The following SPG11 variants were observed in gnomAD, a reference collection of about 807,000 sequenced individuals.
The protein encoded by SPG11 is spatacsin.
A neutral mutation model predicts 274.0 loss-of-function variants in SPG11; 222 were observed. The ratio of observed to expected loss-of-function variants is 0.81; its 90% CI spans 0.73 to 0.91. SPG11 has a LOEUF of 0.91. Ranked by LOEUF, SPG11 falls within the 40% of genes least tolerant of loss-of-function variation. SPG11 has a pLI of 0.00. For missense variants in SPG11, 3,114 were observed against 2,872.7 expected (o/e 1.08, Z -1.92); for synonymous variants, 1,144 against 1,039.7 (o/e 1.10, Z -1.93).
At chr15:44,570,320 C>T (rs749961318) in intron 34 of SPG11, among the ~76,000 whole-genome samples, 1 of 152,180 alleles carries the variant, frequency 6.6e-6, no homozygotes, top group Admixed American at 6.5e-5. Flanking sequence ...TTCTCCCTTT[C>T]GCTCCTTTGG....
chr15:44,582,234 C>G (rs1002930831), intron 30 of SPG11, among the ~76,000 whole-genome samples: 1 of 152,032 alleles, frequency 6.6e-6, no homozygotes, highest in African/African-American at 2.4e-5. Context: ...ACCAACATTA[C>G]CTTGATACAA....
intron 30 of SPG11, 67 bp downstream of exon 30, chr15:44,583,747 T>G: frequency 6.2e-7 from 1 of 1,608,658 alleles, no homozygotes; most frequent in East Asian, 2.2e-5. Flanking sequence ...CAAGGGTCCC[T>G]TCCTTCTTGG....
chr15:44,625,537 G>A (rs2083873263), intron 11 of SPG11, among the ~76,000 whole-genome samples: 1 of 152,136 alleles, frequency 6.6e-6, no homozygotes, highest in African/African-American at 2.4e-5. Context: ...TGTAAGACAG[G>A]CCTGCTTCCC....
At chr15:44,640,077 G>A (rs569503384) in intron 7 of SPG11, among the ~76,000 whole-genome samples, 1 of 152,240 alleles carries the variant, frequency 6.6e-6, no homozygotes, top group East Asian at 1.9e-4. Context: ...AGGCGTAGGG[G>A]CATGTGCCTG....
chr15:44,633,157 G>C (rs1477071527), intron 8 of SPG11, among the ~76,000 whole-genome samples: 1 of 151,320 alleles, frequency 6.6e-6, no homozygotes, highest in African/African-American at 2.4e-5. Flanking sequence ...TGGCAACACA[G>C]TGAGACCCCA....
chr15:44,635,194 C>A (rs2084202279), intron 7 of SPG11, among the ~76,000 whole-genome samples: 1 of 151,962 alleles, frequency 6.6e-6, no homozygotes, highest in South Asian at 2.1e-4. Context: ...CCAGCCTGGG[C>A]AGCACAGCAA....
At chr15:44,602,609 G>A (rs2083223807) in intron 20 of SPG11, among the ~76,000 whole-genome samples, 1 of 151,794 alleles carries the variant, frequency 6.6e-6, no homozygotes, top group Admixed American at 6.6e-5. Context: ...CTCCCAAGTA[G>A]GTGGGACTAC....
At chr15:44,630,191 G>T (rs947592948) in intron 8 of SPG11, among the ~76,000 whole-genome samples, 16 of 152,240 alleles carry the variant, frequency 1.1e-4, no homozygotes, top group Admixed American at 6.5e-4. Context: ...GGCAGCTGAA[G>T]GCTCTAATTA....
intron 7 of SPG11, among the ~76,000 whole-genome samples, chr15:44,646,440 T>C (rs945341650): frequency 6.6e-6 from 1 of 152,116 alleles, no homozygotes; most frequent in African/African-American, 2.4e-5. Context: ...AGGGGAAAAC[T>C]GCCACTTTTA....
chr15:44,652,249 A>C lies in SPG11; in HGVS notation c.887T>G (p.Leu296Arg), dbSNP rs781738345. Residue 296 changes from leucine to arginine, a missense_variant, in exon 5 of 40, where the codon CTA (leucine) becomes CGA (arginine). Physicochemically the swap from Leu to Arg is moderately radical, Grantham distance 102. Coordinates refer to ENST00000261866, the MANE Select transcript of SPG11 (RefSeq NM_025137.4). ...ATCTTCTAGTATTCTTTCACACAGT[A>C]GGTGTCCTGGGTGTTGCCTACATTT... ...NLYFRQHPGH[L>R]LCERILEDLP... is the part of the protein sequence containing the mutation. The C allele has an allele frequency of 6.2e-7, 1 of 1,614,002 alleles. No individual in the cohort carries two copies. The highest frequency in any genetic ancestry group is 1.7e-5 in the Admixed American group (1 of 59,998).
chr15:44,601,816 C>T (rs2083198101), intron 20 of SPG11, among the ~76,000 whole-genome samples: 1 of 152,164 alleles, frequency 6.6e-6, no homozygotes, highest in Non-Finnish European at 1.5e-5. Flanking sequence ...ACCTTGACCT[C>T]CCAAAGTGCT....
In SPG11 at chr15:44,663,394, C is replaced by A; in HGVS notation, c.254G>T (p.Trp85Leu). Residue 85 changes from tryptophan (W) to leucine (L), a missense_variant, in exon 1 of 40, where the codon TGG becomes TTG. Physicochemically the swap from Trp to Leu is moderately conservative, Grantham distance 61 (BLOSUM62 -2). Transcript: ENST00000261866. ...CCAACTCTCCCTCAGCACTTACTGC[C>A]AGAAGGGGCCCTCCAGGCAGCAGCG... is the stretch of plus-strand genomic sequence containing the variant. ...GGRCCLEGPF[W>L]HFLWEDSRNS... is the part of the protein sequence containing the mutation. 1 of 1,607,418 alleles carries A rather than the reference C, an allele frequency of 6.2e-7. No individual in the cohort carries two copies. Among genetic ancestry groups the A allele is most frequent in the East Asian group, 2.2e-5 (1 of 44,504 alleles).
intron 22 of SPG11, 104 bp downstream of exon 22, chr15:44,598,527 A>C: frequency 7.4e-7 from 1 of 1,350,692 alleles, no homozygotes; most frequent in Non-Finnish European, 1.1e-6. Context: ...GAAAAGGATA[A>C]AACCAAGAAG....
At chr15:44,621,434 C>A in intron 14 of SPG11, 1 of 317,636 alleles carries the variant, frequency 3.1e-6, no homozygotes, top group South Asian at 3.1e-5. Context: ...GACCCAGATC[C>A]CCCATATCAG....
intron 9 of SPG11, 23 bp downstream of exon 9, chr15:44,629,210 C>T: frequency 6.2e-7 from 1 of 1,612,436 alleles, no homozygotes; most frequent in South Asian, 1.1e-5. Context: ...TAGAATTGCC[C>T]CCTTCCTAGC....
At chr15:44,636,774 G>C (rs551008292) in intron 7 of SPG11, among the ~76,000 whole-genome samples, 1 of 150,400 alleles carries the variant, frequency 6.6e-6, no homozygotes, top group South Asian at 2.1e-4. Context: ...AAAAATACAA[G>C]AATTAGCCAG....
Position 44,592,051 on chromosome 15 carries a change from C to T in SPG11, c.4743+280G>A, listed in dbSNP as rs2082912626. 1.3e-5 allele frequency among the ~76,000 whole-genome samples: 2 copies of T among 148,230 alleles called. 1 individual carries two copies. The highest frequency in any genetic ancestry group is 4.2e-4 in the South Asian group (2 of 4,712). On this transcript the variant is annotated intron_variant, in intron 27 of 39. Transcript: ENST00000261866. ...GCTTGAACCTGGGAGGTGGAGGTTACAGTGAGCGGAGATCATGCCACCGCA... is the reference window on the plus strand; with the variant it reads ...GCTTGAACCTGGGAGGTGGAGGTTATAGTGAGCGGAGATCATGCCACCGCA...
chr15:44,577,511 A>AAC (rs1555448064), intron 30 of SPG11, among the ~76,000 whole-genome samples: 1 of 151,434 alleles, frequency 6.6e-6, no homozygotes, highest in African/African-American at 2.4e-5. Flanking sequence ...TCAAAAAAAA[A>AAC]AAAAAAAACA....
intron 39 of SPG11, among the ~76,000 whole-genome samples, chr15:44,564,280 A>ACTGG (rs2082264664): frequency 6.6e-6 from 1 of 152,236 alleles, no homozygotes; most frequent in South Asian, 2.1e-4. Flanking sequence ...GGCATGAGCC[A>ACTGG]CTGGGCCTGG....
Sources: allele counts gnomAD v4.1 joint callset (sites outside exome capture counted in the v4.1 genomes callset), GRCh38; gene constraint gnomAD v4.1.1; transcripts MANE v1.5; gene names NCBI Gene and HGNC (gene_info 2026-07-23, HGNC 2026-07-21).